The following RBMS3 variants were observed in gnomAD, a reference collection of about 807,000 sequenced individuals.
RBMS3 encodes the protein RNA binding motif single stranded interacting protein 3.
In RBMS3, 27 loss-of-function variants were observed where a neutral mutation model predicts 66.8. The observed-to-expected ratio is 0.40, with a 90% CI of 0.30 to 0.56. RBMS3 has a LOEUF of 0.56. RBMS3 is among the 20% of genes least tolerant of loss of function. The pLI, the probability that RBMS3 is intolerant of heterozygous loss-of-function variation, is 0.40. For missense variants in RBMS3, 513 were observed against 549.5 expected (o/e 0.93, Z 0.66); for synonymous variants, 188 against 183.0 (o/e 1.03, Z -0.22).
chr3:29,440,532 G>A (rs567116282), intron 2 of RBMS3, among the ~76,000 whole-genome samples: 73 of 152,268 alleles, frequency 4.8e-4, no homozygotes, highest in African/African-American at 1.6e-3. Context: ...ACTTTTCTCC[G>A]TAAATGTTTT....
At chr3:29,782,861 G>A (rs1269309326) in intron 6 of RBMS3, among the ~76,000 whole-genome samples, 1 of 151,974 alleles carries the variant, frequency 6.6e-6, no homozygotes, top group African/African-American at 2.4e-5. Context: ...TGGAAATCAA[G>A]GACACACTTA....
chr3:29,583,898 G>GACAC (rs145032982), intron 3 of RBMS3, among the ~76,000 whole-genome samples: 2,869 of 150,974 alleles, frequency 0.019, 91 homozygotes, highest in African/African-American at 0.066. Context: ...GTGGGAAATA[G>GACAC]ACACACACAC....
At chr3:29,879,153 T>C (rs2059680613) in intron 7 of RBMS3, among the ~76,000 whole-genome samples, 1 of 152,218 alleles carries the variant, frequency 6.6e-6, no homozygotes, top group Non-Finnish European at 1.5e-5. Context: ...TCATTTTTAG[T>C]TTTATTTCCA....
chr3:29,919,158 T>C (rs76458212), intron 10 of RBMS3, among the ~76,000 whole-genome samples: 143 of 152,276 alleles, frequency 9.4e-4, no homozygotes, highest in African/African-American at 3.0e-3. Flanking sequence ...GCATTGAGAA[T>C]AATTTGCCAA....
intron 4 of RBMS3, among the ~76,000 whole-genome samples, chr3:29,596,616 C>G (rs145182337): frequency 6.6e-6 from 1 of 152,316 alleles, no homozygotes; most frequent in Non-Finnish European, 1.5e-5. Flanking sequence ...GTCAAGTGGT[C>G]TTGAACCCAA....
intron 3 of RBMS3, among the ~76,000 whole-genome samples, chr3:29,494,425 G>A (rs1050861153): frequency 5.9e-5 from 9 of 151,976 alleles, no homozygotes; most frequent in South Asian, 4.2e-4. Context: ...CTTTCATTCC[G>A]TATAATATGA....
intron 14 of RBMS3, among the ~76,000 whole-genome samples, chr3:29,998,663 G>A (rs1699413268): frequency 6.6e-6 from 1 of 152,118 alleles, no homozygotes; most frequent in African/African-American, 2.4e-5. Context: ...CAAGCAATGG[G>A]GAAAGGATTC....
chr3:29,844,295 C>T (rs922080829), intron 6 of RBMS3, among the ~76,000 whole-genome samples: 1 of 151,956 alleles, frequency 6.6e-6, no homozygotes, highest in Non-Finnish European at 1.5e-5. Flanking sequence ...CCCATGGGGA[C>T]CTGCACAATC....
intron 6 of RBMS3, among the ~76,000 whole-genome samples, chr3:29,790,403 G>A (rs992054322): frequency 3.3e-5 from 5 of 152,102 alleles, no homozygotes; most frequent in African/African-American, 1.2e-4. Flanking sequence ...TTCACTTAAT[G>A]TAGATAGTAT....
chr3:29,964,247 C>T (rs1696678661), intron 12 of RBMS3, among the ~76,000 whole-genome samples: 1 of 152,000 alleles, frequency 6.6e-6, no homozygotes, highest in Admixed American at 6.6e-5. Context: ...ATCACAAGCA[C>T]CATGTGAAAT....
At position 29,311,390 on chromosome 3, in the gene RBMS3, A is replaced by G. The variant is rs554084618; in HGVS notation, c.75+29634A>G. On this transcript the variant is annotated intron_variant, in intron 1 of 14. Transcript: ENST00000383767. ...ATAGCCAGCCCTCAAGGAGAGAAAG[A>G]CATAGGTAGAACAGAAAATTGGTCT... Among the ~76,000 whole-genome samples, 6 of 151,840 alleles carry G rather than the reference A, an allele frequency of 4.0e-5. No homozygotes were observed. The South Asian group carries it at 1.2e-3, about 31-fold the overall frequency.
chr3:29,715,511 G>C (rs750303919), intron 4 of RBMS3, among the ~76,000 whole-genome samples: 14 of 151,986 alleles, frequency 9.2e-5, no homozygotes, highest in Non-Finnish European at 1.8e-4. Flanking sequence ...TATATCTACT[G>C]TTAGTTCCCT....
chr3:29,998,412 C>A (rs1490215682), intron 14 of RBMS3, among the ~76,000 whole-genome samples: 2 of 151,720 alleles, frequency 1.3e-5, no homozygotes, highest in African/African-American at 2.4e-5. Context: ...TTGGAAAAAA[C>A]TACTTTAAAG....
At chr3:29,996,407 A>T (rs1018689140) in intron 14 of RBMS3, among the ~76,000 whole-genome samples, 29 of 149,744 alleles carry the variant, frequency 1.9e-4, no homozygotes, top group Non-Finnish European at 2.8e-4. Context: ...TCAGCTCTGC[A>T]CCAAGCGGAC....
chr3:29,665,286 C>T (rs1341767359), intron 4 of RBMS3, among the ~76,000 whole-genome samples: 1 of 152,034 alleles, frequency 6.6e-6, no homozygotes, highest in Non-Finnish European at 1.5e-5. Context: ...CTACATTGTC[C>T]TCAAGGAAGA....
chr3:29,729,551 A>G (rs755933860), intron 4 of RBMS3, among the ~76,000 whole-genome samples: 2 of 152,154 alleles, frequency 1.3e-5, no homozygotes, highest in Non-Finnish European at 2.9e-5. Flanking sequence ...TAGATGCTTG[A>G]GGAATCGCCA....
At chr3:29,418,960 C>A (rs2040590918) in intron 1 of RBMS3, among the ~76,000 whole-genome samples, 1 of 152,110 alleles carries the variant, frequency 6.6e-6, no homozygotes, top group Non-Finnish European at 1.5e-5. Flanking sequence ...AAAACTAGAC[C>A]ATTCCATCAT....
At chr3:29,792,679 C>T (rs1326832924) in intron 6 of RBMS3, among the ~76,000 whole-genome samples, 1 of 152,072 alleles carries the variant, frequency 6.6e-6, no homozygotes, top group Non-Finnish European at 1.5e-5. Flanking sequence ...CCAAATGAAA[C>T]AGGAAAAGAG....
At chr3:29,536,467 A>G (rs921499061) in intron 3 of RBMS3, among the ~76,000 whole-genome samples, 3 of 152,142 alleles carry the variant, frequency 2.0e-5, no homozygotes, top group East Asian at 1.9e-4. Flanking sequence ...GTGCTGCATC[A>G]GTTTTGTTAT....
Sources: gnomAD v4.1 joint callset for allele counts (sites outside exome capture counted in the v4.1 genomes callset) on GRCh38, gnomAD v4.1.1 for gene constraint, MANE v1.5 for transcripts, NCBI Gene and HGNC (gene_info 2026-07-23, HGNC 2026-07-21) for gene names.